The following CNTNAP5 variants were observed in gnomAD, a reference collection of about 807,000 sequenced individuals.
CNTNAP5 encodes the protein contactin associated protein family member 5.
CNTNAP5 carries 72 observed loss-of-function variants against 150.2 expected under a neutral mutation model. That is an observed-to-expected ratio of 0.48 (90% CI 0.40 to 0.58). The LOEUF is 0.58. Ranked by LOEUF, CNTNAP5 falls within the 20% of genes least tolerant of loss-of-function variation. The probability of loss-of-function intolerance (pLI) is 0.00; values close to 1 mark genes in which losing one functional copy is unlikely to be tolerated. For synonymous variants in CNTNAP5, 672 were observed against 619.8 expected (o/e 1.08, Z -1.25); for missense variants, 1,636 against 1,626.2 (o/e 1.01, Z -0.10).
chr2:124,084,983 G>A (rs1260159780), intron 1 of CNTNAP5, among the ~76,000 whole-genome samples: 7 of 142,522 alleles, frequency 4.9e-5, no homozygotes, highest in South Asian at 2.2e-4. Flanking sequence ...GTGCAGTGGC[G>A]TGATCTCGGC....
At chr2:124,789,540 T>C (rs1168418155) in intron 17 of CNTNAP5, among the ~76,000 whole-genome samples, 2 of 152,146 alleles carry the variant, frequency 1.3e-5, no homozygotes, top group Admixed American at 1.3e-4. Flanking sequence ...TTTTCTCTTA[T>C]CTTCTCCCTC....
chr2:124,389,123 A>G (rs1189134959), intron 3 of CNTNAP5, among the ~76,000 whole-genome samples: 1 of 152,224 alleles, frequency 6.6e-6, no homozygotes, highest in Non-Finnish European at 1.5e-5. Flanking sequence ...AAAAGAGCTG[A>G]CCCAAACAAA....
intron 19 of CNTNAP5, among the ~76,000 whole-genome samples, chr2:124,837,805 C>A (rs569663373): frequency 6.6e-6 from 1 of 152,258 alleles, no homozygotes; most frequent in East Asian, 1.9e-4. Context: ...TTAGGCCTTT[C>A]AGAATTCTTT....
chr2:124,349,874 C>CCTTTTT (rs1689830844), intron 3 of CNTNAP5, among the ~76,000 whole-genome samples: 7 of 81,842 alleles, frequency 8.6e-5, no homozygotes, highest in Non-Finnish European at 1.3e-4. Context: ...CTGGCTATTT[C>CCTTTTT]TTTTTTTTTT....
rs1013331887 is a variant in CNTNAP5 at position 124,603,113 on chromosome 2, G to A, written c.1757-6688G>A. On this transcript the variant is annotated intron_variant, in intron 11 of 23. Coordinates refer to ENST00000682447, the MANE Select transcript of CNTNAP5 (RefSeq NM_001367498.1). The stretch of plus-strand genomic sequence containing the variant: ...TTTTCTTTAATGTGTTTGAATTAGG[G>A]TCTAAACAAGATCTAAGCATAGTGT... 3.4e-5 allele frequency among the ~76,000 whole-genome samples: 5 copies of A among 148,096 alleles called. No homozygotes were observed. The South Asian group carries it at 1.1e-3, about 33-fold the overall frequency.
intron 13 of CNTNAP5, among the ~76,000 whole-genome samples, chr2:124,658,816 A>G (rs1301266022): frequency 6.6e-6 from 1 of 152,200 alleles, no homozygotes; most frequent in East Asian, 1.9e-4. Context: ...AATTATACCA[A>G]CTACACAGAT....
At chr2:124,803,670 G>A (rs1426745287) in intron 19 of CNTNAP5, among the ~76,000 whole-genome samples, 1 of 152,170 alleles carries the variant, frequency 6.6e-6, no homozygotes, top group African/African-American at 2.4e-5. Flanking sequence ...TGCACTGTCT[G>A]CATTTGTGAT....
At chr2:124,055,471 C>A (rs966534035) in intron 1 of CNTNAP5, among the ~76,000 whole-genome samples, 1 of 152,124 alleles carries the variant, frequency 6.6e-6, no homozygotes. Flanking sequence ...CAGCCTATAT[C>A]CTGTTCAACT....
At chr2:124,124,202 T>C (rs1683632267) in intron 1 of CNTNAP5, among the ~76,000 whole-genome samples, 1 of 152,094 alleles carries the variant, frequency 6.6e-6, no homozygotes, top group Non-Finnish European at 1.5e-5. Context: ...ATAAACAGTG[T>C]AGAGAAGACC....
intron 1 of CNTNAP5, among the ~76,000 whole-genome samples, chr2:124,193,060 G>A (rs925490555): frequency 1.3e-5 from 2 of 151,990 alleles, no homozygotes; most frequent in African/African-American, 2.4e-5. Context: ...CTCTGTTTTC[G>A]TGTGTTTGTG....
At chr2:124,216,442 G>T (rs1051424896) in intron 1 of CNTNAP5, among the ~76,000 whole-genome samples, 1 of 151,838 alleles carries the variant, frequency 6.6e-6, no homozygotes, top group Non-Finnish European at 1.5e-5. Context: ...ACAACGTGCG[G>T]GTTTGTTACA....
At chr2:124,519,310 T>G (rs1694802815) in intron 8 of CNTNAP5, among the ~76,000 whole-genome samples, 1 of 151,704 alleles carries the variant, frequency 6.6e-6, no homozygotes, top group African/African-American at 2.4e-5. Context: ...AACCATTGGG[T>G]TTCACACTTT....
At chr2:124,229,419 A>G (rs1233307858) in intron 2 of CNTNAP5, among the ~76,000 whole-genome samples, 1 of 152,180 alleles carries the variant, frequency 6.6e-6, no homozygotes, top group Non-Finnish European at 1.5e-5. Context: ...TCATCGATAG[A>G]AGGGATTTGC....
At chr2:124,050,073 A>C (rs146877701) in intron 1 of CNTNAP5, among the ~76,000 whole-genome samples, 1 of 152,284 alleles carries the variant, frequency 6.6e-6, no homozygotes, top group African/African-American at 2.4e-5. Flanking sequence ...GGGTACACAA[A>C]TATTCAAACC....
At chr2:124,635,458 A>C (rs1443481112) in intron 12 of CNTNAP5, among the ~76,000 whole-genome samples, 1 of 152,160 alleles carries the variant, frequency 6.6e-6, no homozygotes, top group Non-Finnish European at 1.5e-5. Flanking sequence ...GGGGCTAGGC[A>C]AAGAAGGGAA....
At chr2:124,507,595 G>A (rs976388207) in intron 8 of CNTNAP5, among the ~76,000 whole-genome samples, 3 of 152,150 alleles carry the variant, frequency 2.0e-5, no homozygotes, top group Non-Finnish European at 4.4e-5. Context: ...AAGCCATACA[G>A]GTATCAGCCC....
At chr2:124,661,535 T>C (rs1433226528) in intron 13 of CNTNAP5, among the ~76,000 whole-genome samples, 1 of 148,944 alleles carries the variant, frequency 6.7e-6, no homozygotes, top group Non-Finnish European at 1.5e-5. Context: ...TTTCTGGAAT[T>C]CCCCCGAAGG....
chr2:124,914,009 C>A, intron 23 of CNTNAP5, 83 bp from the exon 24 acceptor site: 5 of 949,898 alleles, frequency 5.3e-6, no homozygotes, highest in Non-Finnish European at 8.0e-6. Context: ...CCTACGCATT[C>A]CCCTCATCTG....
intron 11 of CNTNAP5, among the ~76,000 whole-genome samples, chr2:124,605,571 CT>C (rs980763067): frequency 3.3e-5 from 5 of 151,862 alleles, no homozygotes; most frequent in African/African-American, 1.2e-4. Flanking sequence ...AATCCCTGCA[CT>C]TTGGGAGGCT....
Sources: allele counts gnomAD v4.1 joint callset (sites outside exome capture counted in the v4.1 genomes callset), GRCh38; gene constraint gnomAD v4.1.1; transcripts MANE v1.5; gene names NCBI Gene and HGNC (gene_info 2026-07-23, HGNC 2026-07-21).